The following ACTA2 variants were observed in gnomAD, a reference collection of about 807,000 sequenced individuals.
The protein encoded by ACTA2 is actin, aortic smooth muscle.
ACTA2 carries 12 observed loss-of-function variants against 39.5 expected under a neutral mutation model. The observed-to-expected ratio is 0.30, with a 90% CI of 0.19 to 0.49. ACTA2 has a LOEUF of 0.49. ACTA2 is among the 20% of genes least tolerant of loss of function. The probability of loss-of-function intolerance (pLI) is 0.99; values close to 1 mark genes in which losing one functional copy is unlikely to be tolerated. For missense variants in ACTA2, 236 were observed against 498.8 expected (o/e 0.47, Z 5.02); for synonymous variants, 158 against 180.6 (o/e 0.88, Z 1.00).
At chr10:88,970,182 C>T (rs889819022) in intron 1 of ACTA2, among the ~76,000 whole-genome samples, 12 of 152,056 alleles carry the variant, frequency 7.9e-5, no homozygotes, top group Non-Finnish European at 1.5e-4. Context: ...ATCAAGGCAC[C>T]TACCAACTTT....
At chr10:88,936,903 C>A (rs986295610) in intron 8 of ACTA2, among the ~76,000 whole-genome samples, 8 of 152,142 alleles carry the variant, frequency 5.3e-5, no homozygotes, top group Non-Finnish European at 1.0e-4. Context: ...CTCATTACAT[C>A]GGGGCCCAGA....
intron 1 of ACTA2, among the ~76,000 whole-genome samples, chr10:88,967,643 C>T (rs749499285): frequency 6.6e-6 from 1 of 152,174 alleles, no homozygotes; most frequent in Non-Finnish European, 1.5e-5. Context: ...GTTTCTTGAA[C>T]TTTCAAAGAC....
chr10:88,949,014 A>C, intron 1 of ACTA2, 61 bp from the exon 2 acceptor site: 1 of 1,577,390 alleles, frequency 6.3e-7, no homozygotes, highest in Non-Finnish European at 8.7e-7. Flanking sequence ...CACTTACCTG[A>C]CAACTCCCAC....
At position 88,941,408 on chromosome 10, in the gene ACTA2, G is replaced by A. The variant is rs139684702; in HGVS notation, c.455-18C>T. On this transcript the variant is annotated intron_variant, in intron 5 of 8. Coordinates refer to ENST00000224784, the MANE Select transcript of ACTA2 (RefSeq NM_001613.4). ...CACGATGCCTGGGAGACAATTGGGCGTGATAAGTCACCATGGCAGCTGGCA... is the reference window on the plus strand; with the variant it reads ...CACGATGCCTGGGAGACAATTGGGCATGATAAGTCACCATGGCAGCTGGCA... 150 of 1,613,880 alleles carry A rather than the reference G, an allele frequency of 9.3e-5. No individual in the cohort carries two copies. The highest frequency in any genetic ancestry group is 6.3e-4 in the African/African-American group (47 of 75,008).
intron 1 of ACTA2, among the ~76,000 whole-genome samples, chr10:88,958,969 T>C (rs986169155): frequency 6.6e-6 from 1 of 152,188 alleles, no homozygotes; most frequent in South Asian, 2.1e-4. Context: ...TGTATATTAC[T>C]CATAGGGACT....
At chr10:88,940,977 A>G (rs1356546840) in intron 6 of ACTA2, 2 of 450,374 alleles carry the variant, frequency 4.4e-6, no homozygotes, top group Non-Finnish European at 8.3e-6. Flanking sequence ...GAGGGGATTA[A>G]AAAAAGATCA....
At chr10:88,941,934 G>T in intron 4 of ACTA2, 65 bp from the exon 5 acceptor site, 1 of 1,451,060 alleles carries the variant, frequency 6.9e-7, no homozygotes, top group Non-Finnish European at 9.5e-7. Flanking sequence ...GGTCAGGAGA[G>T]CACACCTGGT....
rs772186317 is a variant in ACTA2 at position 88,939,495 on chromosome 10, T to C, written c.808+12A>G. 5.6e-6 allele frequency: 9 copies of C among 1,612,510 alleles called. No individual in the cohort carries two copies. In the South Asian group the frequency reaches 9.9e-5, roughly 18 times the overall value. On this transcript the variant is annotated intron_variant, in intron 7 of 8. Transcript: ENST00000224784. ...GACTCCCCTTCCCAGGAAAAGGGCG[T>C]TTGTTGCCTACCGATGAAGGATGGC...
In ACTA2 at chr10:88,982,916, GTAA is replaced by G. The variant is rs549902767; in HGVS notation, c.-24+8020_-24+8022del. On this transcript the variant is annotated intron_variant, in intron 1 of 4. Transcript: ENST00000415557. Reference sequence around the variant, plus strand: ...GTTAATTGGTCCTTATCTGTTTGAGGTAAACAACCGAACTGATGAGTGGTTTCC... The same window carrying G: ...GTTAATTGGTCCTTATCTGTTTGAGGACAACCGAACTGATGAGTGGTTTCC... Among the ~76,000 whole-genome samples the G allele has an allele frequency of 4.1e-3, 625 of 152,214 alleles. 8 individuals carry two copies. The highest frequency in any genetic ancestry group is 1.1e-3 in the Non-Finnish European group (78 of 68,000).
chr10:88,980,990 G>A lies in ACTA2; in HGVS notation c.-24+9949C>T, dbSNP rs182767910. Among the ~76,000 whole-genome samples the A allele has an allele frequency of 4.3e-3, 650 of 152,330 alleles. 1 individual carries two copies. The highest frequency in any genetic ancestry group is 7.3e-3 in the Admixed American group (111 of 15,306). On this transcript the variant is annotated intron_variant, in intron 1 of 4. Coordinates refer to the ACTA2 transcript ENST00000415557. ...TTGGTTTGCCTTATATGAAAAGTGG[G>A]ATTTGGACTATGGAGGAATAGGGTC...
exon 1 of ACTA2, chr10:88,991,078 G>A: frequency 1.3e-6 from 1 of 793,288 alleles, no homozygotes; most frequent in Non-Finnish European, 2.1e-6. Flanking sequence ...GGGGCTGTTA[G>A]GACCTTCCCT....
chr10:88,953,669 T>G (rs933674571), upstream of ACTA2, among the ~76,000 whole-genome samples: 9 of 152,306 alleles, frequency 5.9e-5, no homozygotes, highest in South Asian at 4.1e-4. Context: ...TCTCGAATTC[T>G]AATCTCCATA....
intron 4 of ACTA2, chr10:88,943,560 C>G: frequency 3.5e-6 from 2 of 565,294 alleles, no homozygotes. Flanking sequence ...GTGGCCCCTT[C>G]TCAGTGAAAT....
intron 1 of ACTA2, among the ~76,000 whole-genome samples, chr10:88,985,846 G>A (rs1190331981): frequency 1.3e-5 from 2 of 152,342 alleles, no homozygotes; most frequent in East Asian, 1.9e-4. Context: ...GAGAGAAAGC[G>A]CTGCCATGCC....
At position 88,943,881 on chromosome 10, in the gene ACTA2, C is replaced by T. The variant is rs748465638; in HGVS notation, c.285G>A (p.Glu95=). 8 of 1,613,974 alleles carry T rather than the reference C, an allele frequency of 5.0e-6. No homozygotes were observed. The highest frequency in any genetic ancestry group is 6.8e-6 in the Non-Finnish European group (8 of 1,179,926). The change falls in exon 4 of 9, where the codon GAG becomes GAA. Residue 95 remains glutamate (E), a synonymous_variant. Coordinates refer to ENST00000224784, the MANE Select transcript of ACTA2 (RefSeq NM_001613.4). The part of the protein sequence containing the change: ...EKIWHHSFYN[E]LRVAPEEHPT... ...GATGCTCTTCAGGGGCAACACGAAG[C>T]TCATTGTAGAAAGAGTGGTGCCAGA...
chr10:88,982,290 T>C (rs1262377667), intron 1 of ACTA2, among the ~76,000 whole-genome samples: 3 of 152,226 alleles, frequency 2.0e-5, no homozygotes, highest in Non-Finnish European at 4.4e-5. Context: ...ACCTGGCTCA[T>C]ACTAAGTGAT....
chr10:88,989,409 A>C (rs928831812), intron 1 of ACTA2: 1 of 493,820 alleles, frequency 2.0e-6, no homozygotes, highest in African/African-American at 2.0e-5. Flanking sequence ...ATTTGCAGAG[A>C]TAATACAGAG....
upstream of ACTA2, among the ~76,000 whole-genome samples, chr10:88,955,222 G>T (rs1341569518): frequency 6.6e-6 from 1 of 152,164 alleles, no homozygotes; most frequent in Non-Finnish European, 1.5e-5. Context: ...CTTGAGCGCT[G>T]GGGCAGCACT....
intron 1 of ACTA2, among the ~76,000 whole-genome samples, chr10:88,969,389 C>G (rs954111714): frequency 7.2e-5 from 11 of 152,220 alleles, no homozygotes; most frequent in Non-Finnish European, 1.3e-4. Context: ...GCTTGTAAGG[C>G]TGAATGGTCA....
Sources: allele counts gnomAD v4.1 joint callset (sites outside exome capture counted in the v4.1 genomes callset), GRCh38; gene constraint gnomAD v4.1.1; transcripts MANE v1.5; gene names NCBI Gene and HGNC (gene_info 2026-07-23, HGNC 2026-07-21).